The following MAX variants were observed in gnomAD, a reference collection of about 807,000 sequenced individuals.
MAX encodes protein max.
A neutral mutation model predicts 22.3 loss-of-function variants in MAX; 3 were observed. The ratio of observed to expected loss-of-function variants is 0.13; its 90% confidence interval spans 0.06 to 0.35. MAX has a LOEUF of 0.35. Ranked by LOEUF, MAX falls within the 10% of genes least tolerant of loss-of-function variation. MAX has a pLI of 1.00. For missense variants in MAX, 119 were observed against 209.4 expected (o/e 0.57, Z 2.66); for synonymous variants, 72 against 77.7 (o/e 0.93, Z 0.39).
Position 65,032,017 on chromosome 14 carries a change from T to TGTGTAC in MAX, c.172-25734_172-25733insGTACAC. Among the ~76,000 whole-genome samples, 1 of 149,822 alleles carries TGTGTAC rather than the reference T, an allele frequency of 6.7e-6. No individual in the cohort carries two copies. ...GTGTGTGTGTGTGTGTGTGTGTGTG[T>TGTGTAC]GTACTGGTGAGAGGTTTGAAATCAA... On this transcript the variant is annotated intron_variant, in intron 3 of 3. Coordinates refer to the MAX transcript ENST00000341653. This position sits in a 1 kb window ranked among gnomAD's most constrained non-coding sequence, Gnocchi z 5.0.
At chr14:65,090,129 C>A (rs2063461081) in intron 3 of MAX, 1 of 152,160 alleles carries the variant, frequency 6.6e-6, no homozygotes, top group Admixed American at 6.5e-5. Flanking sequence ...ACATACGCCA[C>A]CTCAGAGGAT....
chr14:65,040,985 A>G (rs543813670), intron 3 of MAX: 558 of 1,586,830 alleles, frequency 3.5e-4, no homozygotes, highest in Middle Eastern at 2.4e-3. Flanking sequence ...GTACTCAGAC[A>G]TGCAGGCTTC....
intron 3 of MAX, among the ~76,000 whole-genome samples, chr14:65,026,609 C>T (rs1419548086): frequency 6.6e-6 from 1 of 152,174 alleles, no homozygotes; most frequent in Admixed American, 6.5e-5. Flanking sequence ...CCTGTAATCC[C>T]AGCACTTGCA....
chr14:65,038,754 A>T (rs2062273996), intron 3 of MAX, among the ~76,000 whole-genome samples: 1 of 152,186 alleles, frequency 6.6e-6, no homozygotes. Context: ...ATTTCATTGC[A>T]TGGTTCGTTT....
chr14:65,021,559 G>A (rs1429139090), intron 3 of MAX, among the ~76,000 whole-genome samples: 2 of 152,152 alleles, frequency 1.3e-5, no homozygotes, highest in African/African-American at 4.8e-5. Context: ...GGTCAGAGGT[G>A]CTGCTAAATA....
chr14:65,016,241 T>C (rs1331952254), intron 3 of MAX, among the ~76,000 whole-genome samples: 1 of 152,200 alleles, frequency 6.6e-6, no homozygotes, highest in South Asian at 2.1e-4. Context: ...ACCTGATCGA[T>C]GATTAGAGAT....
intron 3 of MAX, among the ~76,000 whole-genome samples, chr14:65,080,574 T>C (rs562703295): frequency 6.6e-6 from 1 of 152,338 alleles, no homozygotes; most frequent in Non-Finnish European, 1.5e-5. Flanking sequence ...ATGGGTTCTG[T>C]AGCTGCAGAC....
At position 65,008,284 on chromosome 14, in the gene MAX, C is replaced by G. The variant is rs139200459; in HGVS notation, c.172-2000G>C. 2.4e-3 allele frequency among the ~76,000 whole-genome samples: 361 copies of G among 152,270 alleles called. 2 individuals are homozygous for G. The highest frequency in any genetic ancestry group is 8.2e-3 in the African/African-American group (342 of 41,534). ...TCAAATGCATGTTTTCCAGGATGGC[C>G]CAGGTTTGGGGGGAGGAAGTGGCTT... On this transcript the variant is annotated intron_variant, in intron 3 of 3. Coordinates refer to the MAX transcript ENST00000341653.
In MAX at chr14:65,030,881, C is replaced by T. The variant is rs560321598; in HGVS notation, c.172-24597G>A. ...GGAGCGCAGTGGTGGGATCTTGGCT[C>T]ACTGCAACCTCTGTCTCTGGGGTTC... is the stretch of plus-strand genomic sequence containing the variant. On this transcript the variant is annotated intron_variant, in intron 3 of 3. Transcript: ENST00000341653. The surrounding 1 kb of genome is among the most constrained non-coding windows in gnomAD (Gnocchi z 4.5). Among the ~76,000 whole-genome samples the T allele has an allele frequency of 5.3e-5, 8 of 152,274 alleles. No homozygotes were observed. The highest frequency in any genetic ancestry group is 1.9e-4 in the African/African-American group (8 of 41,560).
rs1175477483 is a variant in MAX at position 65,062,750 on chromosome 14, C to T, written c.171+30958G>A. ...CGTCAGTCTCCTGTGTGCAGGATTC[C>T]AGACTGTTCACATCGGTGGTGACAG... On this transcript the variant is annotated intron_variant, in intron 3 of 3. Coordinates refer to the MAX transcript ENST00000341653. This position sits in a 1 kb window ranked among gnomAD's most constrained non-coding sequence, Gnocchi z 4.3. 6.6e-6 allele frequency: 1 copy of T among 152,628 alleles called. No individual in the cohort carries two copies. The highest frequency in any genetic ancestry group is 1.5e-5 in the Non-Finnish European group (1 of 68,054). The allele number at this position is 152,628 out of a possible 1,614,324, so 9.5% of individuals were successfully genotyped here. A position where few individuals can be genotyped will look rare whatever the true frequency, so the allele number is the denominator to read the frequency against.
intron 3 of MAX, chr14:65,081,961 T>C (rs545740387): frequency 3.9e-5 from 6 of 152,344 alleles, no homozygotes; most frequent in African/African-American, 1.2e-4. Flanking sequence ...TCCAAAGCCA[T>C]GGCTGCACAT....
intron 3 of MAX, among the ~76,000 whole-genome samples, chr14:65,025,936 G>A (rs1167396095): frequency 1.3e-5 from 2 of 152,192 alleles, no homozygotes; most frequent in African/African-American, 2.4e-5. Context: ...AACCTGTGAC[G>A]TTTCAGAACT....
At chr14:65,083,793 G>T in intron 3 of MAX, 1 of 1,122,212 alleles carries the variant, frequency 8.9e-7, no homozygotes, top group Non-Finnish European at 1.1e-6. Flanking sequence ...TAGAGAAAAT[G>T]AAACCATTTA....
At chr14:65,067,393 C>G (rs2062941685) in intron 3 of MAX, among the ~76,000 whole-genome samples, 1 of 152,092 alleles carries the variant, frequency 6.6e-6, no homozygotes, top group Non-Finnish European at 1.5e-5. Context: ...TTTGAATTCC[C>G]CTAGTTTTTA....
chr14:65,060,868 CT>C (rs2062848470), intron 3 of MAX, among the ~76,000 whole-genome samples: 1 of 69,808 alleles, frequency 1.4e-5, no homozygotes, highest in Non-Finnish European at 2.4e-5. Flanking sequence ...GCAAGACTCT[CT>C]CAAAAAAAAA....
chr14:65,043,337 G>C (rs1341688181), intron 3 of MAX, among the ~76,000 whole-genome samples: 1 of 152,172 alleles, frequency 6.6e-6, no homozygotes, highest in Non-Finnish European at 1.5e-5. Context: ...GTGACATCAA[G>C]ACCAAGACCT....
At chr14:65,061,994 G>GACTT (rs1051951739) in intron 3 of MAX, 3 of 152,544 alleles carry the variant, frequency 2.0e-5, no homozygotes, top group African/African-American at 4.8e-5. Context: ...CAGGTGTGGT[G>GACTT]ACTTAGACCT....
At chr14:65,066,216 C>G (rs1281736735) in intron 3 of MAX, among the ~76,000 whole-genome samples, 1 of 152,236 alleles carries the variant, frequency 6.6e-6, no homozygotes, top group Non-Finnish European at 1.5e-5. Context: ...TGTGGCCACA[C>G]CAGTGCAGTG....
intron 3 of MAX, among the ~76,000 whole-genome samples, chr14:65,080,945 C>T (rs1344099798): frequency 6.6e-6 from 1 of 152,174 alleles, no homozygotes; most frequent in Non-Finnish European, 1.5e-5. Flanking sequence ...GAAAAGTGAG[C>T]AGTAAGCACA....
Sources: gnomAD v4.1 joint callset for allele counts (sites outside exome capture counted in the v4.1 genomes callset) on GRCh38, gnomAD v4.1.1 for gene constraint, Gnocchi (gnomAD v3.1) non-coding constraint, MANE v1.5 for transcripts, NCBI Gene and HGNC (gene_info 2026-07-23, HGNC 2026-07-21) for gene names.